Variants in DNAJC6 observed in about 807,000 individuals in gnomAD.
The protein encoded by DNAJC6 is DnaJ heat shock protein family (Hsp40) member C6.
DNAJC6 carries 34 observed loss-of-function variants against 110.0 expected under a neutral mutation model. That is an observed-to-expected ratio of 0.31 (90% CI 0.24 to 0.41). The LOEUF (loss-of-function observed/expected upper bound fraction) is 0.41. DNAJC6 is among the 10% of genes least tolerant of loss of function. DNAJC6 has a pLI of 1.00. For synonymous variants in DNAJC6, 406 were observed against 437.2 expected (o/e 0.93, Z 0.89); for missense variants, 1,031 against 1,207.8 (o/e 0.85, Z 2.17).
At chr1:65,271,103 A>C (rs1048880823) in intron 1 of DNAJC6, among the ~76,000 whole-genome samples, 7 of 152,076 alleles carry the variant, frequency 4.6e-5, no homozygotes, top group African/African-American at 1.4e-4. Flanking sequence ...AACTTAAAAA[A>C]CATTATTATT....
chr1:65,291,018 G>A (rs1297632896), intron 1 of DNAJC6, among the ~76,000 whole-genome samples: 1 of 152,168 alleles, frequency 6.6e-6, no homozygotes, highest in African/African-American at 2.4e-5. Context: ...CTTGCAAAAT[G>A]TTTCAAATTA....
chr1:65,406,000 C>G lies in DNAJC6; in HGVS notation c.2358C>G (p.Asn786Lys), dbSNP rs765482378. Residue 786 changes from asparagine (N) to lysine (K), a missense_variant, in exon 16 of 19, where the codon AAC becomes AAG. Asn to Lys is a moderately conservative substitution (Grantham distance 94, BLOSUM62 0). Coordinates refer to ENST00000371069, the MANE Select transcript of DNAJC6 (RefSeq NM_001256864.2). ...GGTGGCAGCAGGGAGGTGCCTACAACTGGCAGCAGCCACAGCCTAAGCCTC... is the reference window on the plus strand; with the variant it reads ...GGTGGCAGCAGGGAGGTGCCTACAAGTGGCAGCAGCCACAGCCTAAGCCTC... ...GGGWQQGGAY[N>K]WQQPQPKPQP... The G allele has an allele frequency of 3.5e-5, 57 of 1,614,100 alleles. No individual in the cohort carries two copies. The South Asian group carries it at 5.8e-4, about 16-fold the overall frequency.
chr1:65,372,152 T>G (rs913900819), intron 4 of DNAJC6, among the ~76,000 whole-genome samples: 7 of 117,594 alleles, frequency 6.0e-5, no homozygotes, highest in African/African-American at 3.4e-4. Context: ...TTGGGGTGTG[T>G]GTGTGTGTGT....
intron 1 of DNAJC6, among the ~76,000 whole-genome samples, chr1:65,344,627 A>C (rs1251954171): frequency 7.9e-5 from 12 of 152,198 alleles, no homozygotes; most frequent in Admixed American, 5.2e-4. Context: ...AATTAACTCC[A>C]TGATTTGCAA....
At chr1:65,273,608 A>G (rs1444944093) in intron 1 of DNAJC6, among the ~76,000 whole-genome samples, 1 of 152,196 alleles carries the variant, frequency 6.6e-6, no homozygotes, top group Admixed American at 6.5e-5. Context: ...TGAAAAAAAA[A>G]ATCCCTTAAG....
intron 1 of DNAJC6, among the ~76,000 whole-genome samples, chr1:65,272,731 G>A (rs1290868456): frequency 6.6e-6 from 1 of 152,100 alleles, no homozygotes; most frequent in Non-Finnish European, 1.5e-5. Flanking sequence ...GTAAAGATGA[G>A]GTCTCACTAT....
intron 1 of DNAJC6, among the ~76,000 whole-genome samples, chr1:65,281,733 T>C (rs994886833): frequency 1.3e-5 from 2 of 151,882 alleles, no homozygotes; most frequent in Admixed American, 1.3e-4. Context: ...CTCAGCCTCC[T>C]GAGTAGCTGG....
chr1:65,294,879 A>G (rs1644914769), intron 1 of DNAJC6, among the ~76,000 whole-genome samples: 1 of 152,234 alleles, frequency 6.6e-6, no homozygotes, highest in African/African-American at 2.4e-5. Flanking sequence ...AATGTTAGTT[A>G]TAGCCAGAAA....
intron 6 of DNAJC6, among the ~76,000 whole-genome samples, chr1:65,385,231 C>T (rs1364872171): frequency 6.6e-6 from 1 of 152,032 alleles, no homozygotes; most frequent in African/African-American, 2.4e-5. Flanking sequence ...TAAAAGATTA[C>T]AAAAGATAAT....
Position 65,405,851 on chromosome 1 carries a change from T to C in DNAJC6, c.2228-19T>C, listed in dbSNP as rs1289079558. 1 of 1,572,730 alleles carries C rather than the reference T, an allele frequency of 6.4e-7. No individual in the cohort carries two copies. The highest frequency in any genetic ancestry group is 1.2e-5 in the South Asian group (1 of 84,752). ...CCACTCAAAATAGTTTTACCTTCTT[T>C]ATCTCTTTTTTTCTTTAGGTAGTTC... On this transcript the variant is annotated intron_variant, in intron 15 of 18. Coordinates refer to ENST00000371069, the MANE Select transcript of DNAJC6 (RefSeq NM_001256864.2).
intron 1 of DNAJC6, among the ~76,000 whole-genome samples, chr1:65,301,474 C>T (rs1162677014): frequency 6.6e-6 from 1 of 152,176 alleles, no homozygotes; most frequent in Non-Finnish European, 1.5e-5. Context: ...CTTTCAGACA[C>T]CAGTTGCAAG....
chr1:65,355,066 C>T (rs146211259), intron 1 of DNAJC6, among the ~76,000 whole-genome samples: 1,553 of 151,944 alleles, frequency 0.01, 20 homozygotes, highest in Non-Finnish European at 0.012. Context: ...CACTTGAGCT[C>T]AGGAGTTTGA....
chr1:65,280,224 A>C (rs905589172), intron 1 of DNAJC6, among the ~76,000 whole-genome samples: 1 of 152,166 alleles, frequency 6.6e-6, no homozygotes, highest in Non-Finnish European at 1.5e-5. Flanking sequence ...GAAAACATTC[A>C]TTGTCCCGTC....
At chr1:65,308,455 GGT>G (rs1174799159), upstream of DNAJC6, among the ~76,000 whole-genome samples, 1 of 152,090 alleles carries the variant, frequency 6.6e-6, no homozygotes, top group Non-Finnish European at 1.5e-5. Context: ...TATTATTTTA[GGT>G]GAAAATAAAC....
rs1484151578 is a variant in DNAJC6, at chr1:65,415,043, C to G, written c.*2018C>G. On this transcript the variant is annotated 3_prime_UTR_variant, in exon 19 of 19. Coordinates refer to ENST00000371069, the MANE Select transcript of DNAJC6 (RefSeq NM_001256864.2). ...AATTTGGAGATTTTCCCCCACATCTCTTTTCCGGATACATTATAATTCTGG... is the reference window on the plus strand; with the variant it reads ...AATTTGGAGATTTTCCCCCACATCTGTTTTCCGGATACATTATAATTCTGG... 6.6e-6 allele frequency: 1 copy of G among 152,192 alleles called. No individual in the cohort carries two copies. Among genetic ancestry groups the G allele is most frequent in the Admixed American group, 6.5e-5 (1 of 15,282 alleles). The allele number at this position is 152,192 out of a possible 1,614,324, so 9.4% of individuals were successfully genotyped here. A position where few individuals can be genotyped will look rare whatever the true frequency, so the allele number is the denominator to read the frequency against.
Position 65,413,255 on chromosome 1 carries a change from C to G in DNAJC6, c.*230C>G, listed in dbSNP as rs1646144813. ...TGAGAGGAACTTCTAGTCAGATGACCTTGCAGAACCACCGCATTCCACCCT... is the reference window on the plus strand; with the variant it reads ...TGAGAGGAACTTCTAGTCAGATGACGTTGCAGAACCACCGCATTCCACCCT... On this transcript the variant is annotated 3_prime_UTR_variant, in exon 19 of 19. Coordinates refer to ENST00000371069, the MANE Select transcript of DNAJC6 (RefSeq NM_001256864.2). The G allele has an allele frequency of 4.5e-6, 2 of 447,264 alleles. No individual in the cohort carries two copies. Among genetic ancestry groups the G allele is most frequent in the Non-Finnish European group, 8.0e-6 (2 of 248,588 alleles). 27.7% of individuals were successfully genotyped at this position (447,264 alleles called of 1,614,324 possible).
At chr1:65,355,610 T>C (rs1645535801) in intron 1 of DNAJC6, among the ~76,000 whole-genome samples, 1 of 152,214 alleles carries the variant, frequency 6.6e-6, no homozygotes. Context: ...AAACCAGTAC[T>C]ACTGAATCTG....
rs377408863 is a variant in DNAJC6, at chr1:65,392,724, G to A, written c.1762G>A (p.Gly588Arg). 35 of 1,612,670 alleles carry A rather than the reference G, an allele frequency of 2.2e-5. No individual in the cohort carries two copies. The African/African-American group carries it at 4.0e-4, about 18-fold the overall frequency. The part of the protein sequence containing the change: ...SELLSDLFGG[G>R]GAAGPTQAGQ... ...ACTACTGAGTGACCTGTTTGGGGGT[G>A]GAGGTGCAGCTGGTCCCACCCAGGC... is the stretch of plus-strand genomic sequence containing the variant. The change falls in exon 12 of 19, where the codon GGA becomes AGA. Residue 588 changes from glycine to arginine, a missense_variant. By Grantham distance (125) the Gly-to-Arg change is moderately radical. Transcript: ENST00000371069.
intron 1 of DNAJC6, among the ~76,000 whole-genome samples, chr1:65,284,433 C>T (rs2101199683): frequency 6.6e-6 from 1 of 152,292 alleles, no homozygotes; most frequent in Middle Eastern, 3.4e-3. Context: ...TTCGTCTGTT[C>T]TCCTTTTCCT....
Sources: gnomAD v4.1 joint callset for allele counts (sites outside exome capture counted in the v4.1 genomes callset) on GRCh38, gnomAD v4.1.1 for gene constraint, MANE v1.5 for transcripts, NCBI Gene and HGNC (gene_info 2026-07-23, HGNC 2026-07-21) for gene names.